Variants in OPHN1 observed in about 807,000 individuals in gnomAD.
OPHN1 encodes oligophrenin 1, also known as oligophrenin-1.
A neutral mutation model predicts 60.7 loss-of-function variants in OPHN1; 11 were observed. The observed-to-expected ratio is 0.18, with a 90% CI of 0.11 to 0.30. The LOEUF (loss-of-function observed/expected upper bound fraction) is 0.30. Among genes scored for constraint, OPHN1 ranks in the 10% least tolerant of loss-of-function variants. OPHN1 has a pLI of 1.00. For missense variants in OPHN1, 449 were observed against 611.0 expected (o/e 0.73, Z 2.80); for synonymous variants, 226 against 222.6 (o/e 1.02, Z -0.14).
intron 5 of OPHN1, among the ~76,000 whole-genome samples, chrX:68,246,380 A>G (rs1450482957): frequency 8.9e-6 from 1 of 111,948 alleles, no homozygotes; most frequent in Non-Finnish European, 1.9e-5. Context: ...AAAAAATAAG[A>G]AAATACAAGG....
chrX:68,285,251 T>C (rs750595069), intron 3 of OPHN1, among the ~76,000 whole-genome samples: 1 of 111,880 alleles, frequency 8.9e-6, no homozygotes, highest in Non-Finnish European at 1.9e-5. Flanking sequence ...CTTTATTATT[T>C]CTTTACTTTT....
chrX:68,390,674 A>C (rs760931465), intron 2 of OPHN1, among the ~76,000 whole-genome samples: 1 of 112,124 alleles, frequency 8.9e-6, no homozygotes, highest in East Asian at 2.8e-4. Flanking sequence ...ACTGCAGACA[A>C]GACATTGGAA....
At chrX:68,134,935 T>C (rs1302068492) in intron 15 of OPHN1, among the ~76,000 whole-genome samples, 1 of 111,364 alleles carries the variant, frequency 9.0e-6, no homozygotes, top group African/African-American at 3.3e-5. Flanking sequence ...ATTTATTTTT[T>C]TACTGCAACT....
In OPHN1 at chrX:68,117,855, C is replaced by T. The variant is rs185782869; in HGVS notation, c.1361+1393G>A. Among the ~76,000 whole-genome samples the T allele has an allele frequency of 3.6e-5, 4 of 111,849 alleles. No homozygotes were observed. The Admixed American group carries it at 3.8e-4, about 11-fold the overall frequency. On this transcript the variant is annotated intron_variant, in intron 16 of 24. Coordinates refer to ENST00000355520, the MANE Select transcript of OPHN1 (RefSeq NM_002547.3). ...GGTGCCGCCCACTCGCACTTTCAGG[C>T]TTGACCCTCTCATCTTTGAAAAGGG...
chrX:68,119,357 AC>A (rs1405795289), intron 15 of OPHN1, 25 bp from the exon 16 acceptor site: 3 of 1,068,993 alleles, frequency 2.8e-6, no homozygotes, highest in Non-Finnish European at 3.9e-6. Flanking sequence ...TAAACAAAAA[AC>A]AAAAGTTAAT....
intron 16 of OPHN1, among the ~76,000 whole-genome samples, chrX:68,114,675 G>C (rs146928780): frequency 2.7e-3 from 296 of 110,997 alleles, no homozygotes; most frequent in African/African-American, 8.7e-3. Context: ...TGAGATGGGA[G>C]GACTGCTTCA....
At chrX:68,295,795 T>C (rs2078092050) in intron 3 of OPHN1, among the ~76,000 whole-genome samples, 1 of 112,228 alleles carries the variant, frequency 8.9e-6, no homozygotes, top group Non-Finnish European at 1.9e-5. Flanking sequence ...GGAAGCACTG[T>C]CATTTCTGCT....
At chrX:68,241,780 G>A (rs1175877723) in intron 5 of OPHN1, among the ~76,000 whole-genome samples, 1 of 111,101 alleles carries the variant, frequency 9.0e-6, no homozygotes, top group Non-Finnish European at 1.9e-5. Context: ...AATTAGCTGG[G>A]TGTGGTGGTG....
At chrX:68,419,205 G>A (rs2078814085) in intron 2 of OPHN1, among the ~76,000 whole-genome samples, 1 of 109,210 alleles carries the variant, frequency 9.2e-6, no homozygotes, top group Admixed American at 1.0e-4. Flanking sequence ...TAGAGACAGG[G>A]GTTTCACCAT....
At chrX:68,121,753 A>G (rs996118577) in intron 15 of OPHN1, among the ~76,000 whole-genome samples, 1 of 107,607 alleles carries the variant, frequency 9.3e-6, no homozygotes, top group African/African-American at 3.4e-5. Context: ...TCAAGGCTCC[A>G]AAAGATACCC....
intron 15 of OPHN1, among the ~76,000 whole-genome samples, chrX:68,149,011 T>C (rs1023682351): frequency 3.6e-5 from 4 of 111,636 alleles, no homozygotes; most frequent in African/African-American, 9.7e-5. Flanking sequence ...AAATTTTTCA[T>C]GGCCCACAAA....
chrX:68,229,456 A>T (rs1303118023), intron 6 of OPHN1, among the ~76,000 whole-genome samples: 4 of 111,820 alleles, frequency 3.6e-5, no homozygotes, highest in Non-Finnish European at 3.8e-5. Context: ...CATTGCCAAG[A>T]CAATCCTAAG....
At chrX:68,164,373 A>G (rs5919533) in intron 15 of OPHN1, among the ~76,000 whole-genome samples, 39,223 of 111,135 alleles carry the variant, frequency 0.35, 5,692 homozygotes, top group African/African-American at 0.53. Flanking sequence ...TTGATCCATG[A>G]GCTACACAGA....
intron 2 of OPHN1, among the ~76,000 whole-genome samples, chrX:68,387,695 A>G (rs1333623749): frequency 5.4e-5 from 6 of 111,960 alleles, no homozygotes; most frequent in African/African-American, 1.9e-4. Flanking sequence ...CTTAGTGCAC[A>G]CTTACCTGAC....
At chrX:68,280,924 TG>T (rs771918414) in intron 4 of OPHN1, among the ~76,000 whole-genome samples, 3 of 111,670 alleles carry the variant, frequency 2.7e-5, no homozygotes, top group African/African-American at 6.5e-5. Flanking sequence ...AAAACTCTGA[TG>T]AAAAAAATCA....
At chrX:68,326,038 GT>G (rs1300828383) in intron 2 of OPHN1, among the ~76,000 whole-genome samples, 1 of 8,581 alleles carries the variant, frequency 1.2e-4, no homozygotes, top group African/African-American at 2.3e-3. Context: ...ACTGGTTTTC[GT>G]TTTTTTTTGG....
intron 15 of OPHN1, among the ~76,000 whole-genome samples, chrX:68,182,644 C>T (rs2077443497): frequency 1.8e-5 from 2 of 111,976 alleles, no homozygotes. Context: ...GGCGCAGTGG[C>T]TCACGCCTGT....
chrX:68,253,200 A>G (rs1324029036), intron 5 of OPHN1, among the ~76,000 whole-genome samples: 3 of 111,748 alleles, frequency 2.7e-5, no homozygotes, highest in African/African-American at 9.7e-5. Flanking sequence ...ATAGAACTTT[A>G]TAAGTAAAAT....
chrX:68,174,338 TAC>T (rs1381645749), intron 15 of OPHN1, among the ~76,000 whole-genome samples: 3 of 111,010 alleles, frequency 2.7e-5, no homozygotes, highest in Non-Finnish European at 5.7e-5. Context: ...AATAGGAAAA[TAC>T]AGTCAGCCCT....
Sources: gnomAD v4.1 joint callset for allele counts (sites outside exome capture counted in the v4.1 genomes callset) on GRCh38, gnomAD v4.1.1 for gene constraint, MANE v1.5 for transcripts, NCBI Gene and HGNC (gene_info 2026-07-23, HGNC 2026-07-21) for gene names.